Variants in ZNF839 observed in about 807,000 individuals in gnomAD.
The protein encoded by ZNF839 is renal carcinoma antigen NY-REN-50.
ZNF839 carries 38 observed loss-of-function variants against 56.4 expected under a neutral mutation model. The observed-to-expected ratio is 0.67, with a 90% CI of 0.52 to 0.88. The LOEUF is 0.88. ZNF839 is among the 40% of genes least tolerant of loss of function. The pLI is 0.00. For missense variants in ZNF839, 1,091 were observed against 1,177.6 expected (o/e 0.93, Z 1.08); for synonymous variants, 486 against 493.5 (o/e 0.98, Z 0.20).
Position 102,332,040 on chromosome 14 carries a change from C to T in ZNF839, c.1416+194C>T, listed in dbSNP as rs8013281. Among the ~76,000 whole-genome samples the T allele has an allele frequency of 0.34, 50,973 of 152,082 alleles. 11,876 individuals carry two copies. The highest frequency in any genetic ancestry group is 0.66 in the African/African-American group (27,224 of 41,468). On this transcript the variant is annotated intron_variant, in intron 3 of 7. Coordinates refer to ENST00000442396, the MANE Select transcript of ZNF839 (RefSeq NM_018335.6). The surrounding 1 kb of genome is among the most constrained non-coding windows in gnomAD (Gnocchi z 4.9). ...TAAAGTGACTGTACAGCCTTTGGTG[C>T]AGCTCCAAAAGCTGCTTGACTTGAT... is the stretch of plus-strand genomic sequence containing the variant.
At chr14:102,333,910 T>G (rs2073903607) in intron 3 of ZNF839, among the ~76,000 whole-genome samples, 1 of 152,132 alleles carries the variant, frequency 6.6e-6, no homozygotes, top group Non-Finnish European at 1.5e-5. Flanking sequence ...GACTTTCTCC[T>G]TCACTCACTC....
At chr14:102,318,107 C>T (rs1459884953), upstream of ZNF839, among the ~76,000 whole-genome samples, 2 of 152,230 alleles carry the variant, frequency 1.3e-5, no homozygotes, top group African/African-American at 4.8e-5. Context: ...GATGGCGCTG[C>T]TGCTATTATA....
At chr14:102,333,261 CT>C (rs58231229) in intron 3 of ZNF839, among the ~76,000 whole-genome samples, 28,917 of 125,184 alleles carry the variant, frequency 0.23, 3,353 homozygotes, top group African/African-American at 0.42. Context: ...AAATGCCAAT[CT>C]TTTTTTTTTT....
In ZNF839 at chr14:102,326,537, G is replaced by A; in HGVS notation, c.841G>A (p.Asp281Asn). ...GGCGGATGGTCATCTGTCAGATTCTGATGATTACTCAGAACTCTGTGTGGA... is the reference window on the plus strand; with the variant it reads ...GGCGGATGGTCATCTGTCAGATTCTAATGATTACTCAGAACTCTGTGTGGA... ...DLADGHLSDS[D>N]DYSELCVEED... The change falls in exon 2 of 8, where the codon GAT (aspartate) becomes AAT (asparagine). Residue 281 changes from aspartate (D) to asparagine (N), a missense_variant. Physicochemically the swap from Asp to Asn is conservative, Grantham distance 23. This residue lies in a region of ZNF839 where 614 missense variants were observed against 629.2 expected (regional missense o/e 0.98). Coordinates refer to ENST00000442396, the MANE Select transcript of ZNF839 (RefSeq NM_018335.6). The surrounding 1 kb of genome is among the most constrained non-coding windows in gnomAD (Gnocchi z 4.3). The A allele has an allele frequency of 6.2e-7, 1 of 1,614,028 alleles. No homozygotes were observed. The highest frequency in any genetic ancestry group is 1.1e-5 in the South Asian group (1 of 91,078).
At chr14:102,339,726 G>A (rs1886286963) in intron 7 of ZNF839, among the ~76,000 whole-genome samples, 1 of 151,824 alleles carries the variant, frequency 6.6e-6, no homozygotes, top group East Asian at 2.0e-4. Flanking sequence ...TCCAGCCTGG[G>A]TAACAGAGTG....
chr14:102,325,686 G>T (rs188976747), intron 1 of ZNF839, among the ~76,000 whole-genome samples: 99 of 151,988 alleles, frequency 6.5e-4, no homozygotes, highest in African/African-American at 2.3e-3. Flanking sequence ...GTAGAGATGG[G>T]GTTTCACCAT....
At chr14:102,337,566 CTT>C (rs1411445258) in intron 5 of ZNF839, 1 of 152,162 alleles carries the variant, frequency 6.6e-6, no homozygotes, top group Admixed American at 6.6e-5. Context: ...TTTTTAAACT[CTT>C]GAGTTTAGCA....
upstream of ZNF839, chr14:102,319,577 T>C (rs1335748993): frequency 5.6e-6 from 4 of 707,970 alleles, no homozygotes; most frequent in Admixed American, 9.0e-5. The surrounding 1 kb of genome is among the most constrained non-coding windows in gnomAD (Gnocchi z 4.5). Flanking sequence ...TCCGCTCTGC[T>C]GATCAGCCCT....
At position 102,335,845 on chromosome 14, in the gene ZNF839, A is replaced by G. The variant is rs138411293; in HGVS notation, c.1659+7A>G. 9.3e-6 allele frequency: 15 copies of G among 1,609,240 alleles called. No homozygotes were observed. The highest frequency in any genetic ancestry group is 4.0e-5 in the African/African-American group (3 of 74,978). On this transcript the variant is annotated splice_region_variant and intron_variant, in intron 5 of 7. Transcript: ENST00000442396. ...GGAAATAAACAATGATAAGGTAACA[A>G]TCTCCCATGGCAGAAAGAGTTTTGC...
intron 2 of ZNF839, among the ~76,000 whole-genome samples, chr14:102,327,640 CTCA>C (rs2073489215): frequency 6.6e-6 from 1 of 152,184 alleles, no homozygotes; most frequent in South Asian, 2.1e-4. Flanking sequence ...CCCCTGCCTG[CTCA>C]TCATCCTTAC....
At chr14:102,333,633 C>T (rs2073889470) in intron 3 of ZNF839, among the ~76,000 whole-genome samples, 1 of 152,078 alleles carries the variant, frequency 6.6e-6, no homozygotes, top group Non-Finnish European at 1.5e-5. Context: ...CCTCAGCTTC[C>T]CTCTCACTTT....
intron 2 of ZNF839, among the ~76,000 whole-genome samples, chr14:102,330,393 C>T (rs2073716018): frequency 6.6e-6 from 1 of 151,660 alleles, no homozygotes; most frequent in Non-Finnish European, 1.5e-5. Flanking sequence ...CCACTATGCC[C>T]AGCTAATTTT....
Position 102,334,579 on chromosome 14 carries a change from A to AGCCCAG in ZNF839, c.1442_1443insGCCCAG (p.Asp481delinsGluProSer). The AGCCCAG allele has an allele frequency of 6.2e-7, 1 of 1,612,016 alleles. No individual in the cohort carries two copies. Among genetic ancestry groups the AGCCCAG allele is most frequent in the Non-Finnish European group, 8.5e-7 (1 of 1,179,146 alleles). Reference sequence around the variant, plus strand: ...TTCCTCCAGCAGTGTGACCGGGAGGATCTGGTGGAATTGGCTCTGCCTCAG... The same window carrying AGCCCAG: ...TTCCTCCAGCAGTGTGACCGGGAGGAGCCCAGTCTGGTGGAATTGGCTCTGCCTCAG... On this transcript the variant is annotated protein_altering_variant, in exon 4 of 8. Transcript: ENST00000442396.
At chr14:102,328,367 AAAAAAAAAATAT>A (rs1245526042) in intron 2 of ZNF839, among the ~76,000 whole-genome samples, 1 of 40,636 alleles carries the variant, frequency 2.5e-5, no homozygotes, top group South Asian at 7.7e-4. Flanking sequence ...AAAAAAAAAA[AAAAAAAAAATAT>A]ATATATATAT....
At chr14:102,329,762 A>G (rs2073676549) in intron 2 of ZNF839, among the ~76,000 whole-genome samples, 1 of 148,630 alleles carries the variant, frequency 6.7e-6, no homozygotes, top group Non-Finnish European at 1.5e-5. Context: ...TTCTACATAT[A>G]AGATCATATC....
At chr14:102,321,986 C>G (rs1428926140) in intron 1 of ZNF839, among the ~76,000 whole-genome samples, 1 of 152,172 alleles carries the variant, frequency 6.6e-6, no homozygotes, top group Non-Finnish European at 1.5e-5. Context: ...CCCATCCTCC[C>G]TCTTCCCCAC....
chr14:102,320,158 G>A (rs2073048984), intron 1 of ZNF839, 105 bp downstream of exon 1: 1 of 1,040,720 alleles, frequency 9.6e-7, no homozygotes, highest in Non-Finnish European at 1.2e-6. Flanking sequence ...CCCGGGTTAA[G>A]ACTCAGGGCG....
chr14:102,327,703 G>A (rs2073493083), intron 2 of ZNF839, among the ~76,000 whole-genome samples: 1 of 152,188 alleles, frequency 6.6e-6, no homozygotes, highest in African/African-American at 2.4e-5. Flanking sequence ...GAAGGCTGTA[G>A]CGGGACCAGA....
At chr14:102,317,614 C>T (rs1045208638), upstream of ZNF839, 13 of 152,254 alleles carry the variant, frequency 8.5e-5, no homozygotes, top group East Asian at 5.8e-4. Context: ...TCCACAGATG[C>T]ATATGGAGAG....
Sources: allele counts gnomAD v4.1 joint callset (sites outside exome capture counted in the v4.1 genomes callset), GRCh38; gene constraint gnomAD v4.1.1; regional missense constraint gnomAD v4.1.1; non-coding constraint Gnocchi (gnomAD v3.1); transcripts MANE v1.5; gene names NCBI Gene and HGNC (gene_info 2026-07-23, HGNC 2026-07-21).